Variants in GABRG3 observed in about 807,000 individuals in gnomAD.
GABRG3 encodes gamma-aminobutyric acid type A receptor subunit gamma3.
A neutral mutation model predicts 48.8 loss-of-function variants in GABRG3; 25 were observed. That is an observed-to-expected ratio of 0.51 (90% confidence interval 0.37 to 0.72). The LOEUF (loss-of-function observed/expected upper bound fraction) is 0.72. Ranked by LOEUF, GABRG3 falls within the 30% of genes least tolerant of loss-of-function variation. The pLI is 0.00. For missense variants in GABRG3, 394 were observed against 577.9 expected (o/e 0.68, Z 3.26); for synonymous variants, 227 against 217.6 (o/e 1.04, Z -0.38).
intron 3 of GABRG3, among the ~76,000 whole-genome samples, chr15:27,251,234 G>T (rs1859911927): frequency 6.6e-6 from 1 of 152,104 alleles, no homozygotes; most frequent in African/African-American, 2.4e-5. Flanking sequence ...CTTAGTTCCT[G>T]CCTCTCTTGT....
intron 3 of GABRG3, among the ~76,000 whole-genome samples, chr15:27,151,492 C>T (rs1371293230): frequency 5.3e-5 from 8 of 151,924 alleles, no homozygotes; most frequent in Non-Finnish European, 1.0e-4. Flanking sequence ...TAAAGATGTT[C>T]ATTATCTGAT....
At chr15:27,003,811 G>A (rs1459423772) in intron 2 of GABRG3, among the ~76,000 whole-genome samples, 10 of 150,396 alleles carry the variant, frequency 6.6e-5, no homozygotes, top group African/African-American at 7.4e-5. Context: ...GGGCAGAGGC[G>A]CCCCTCACCT....
chr15:26,997,194 T>C (rs980565496), intron 2 of GABRG3, among the ~76,000 whole-genome samples: 1 of 152,200 alleles, frequency 6.6e-6, no homozygotes, highest in African/African-American at 2.4e-5. Flanking sequence ...ATCTCTTTAA[T>C]GATATTATCT....
At chr15:27,027,430 C>T (rs970990618) in intron 3 of GABRG3, among the ~76,000 whole-genome samples, 2 of 152,190 alleles carry the variant, frequency 1.3e-5, no homozygotes, top group Non-Finnish European at 2.9e-5. Context: ...TCAGGAGCTC[C>T]CCCCGCCTGC....
At chr15:27,488,459 C>A (rs1437023856) in intron 6 of GABRG3, among the ~76,000 whole-genome samples, 1 of 152,164 alleles carries the variant, frequency 6.6e-6, no homozygotes, top group Admixed American at 6.5e-5. Context: ...CATTGTCTTA[C>A]TTCTGAGACA....
intron 3 of GABRG3, among the ~76,000 whole-genome samples, chr15:27,107,587 T>A (rs1897473512): frequency 6.6e-6 from 1 of 152,070 alleles, no homozygotes; most frequent in African/African-American, 2.4e-5. Context: ...CTAATTCAAT[T>A]TTCTGCAACA....
Position 27,198,331 on chromosome 15 carries a change from C to T in GABRG3, c.271-128478C>T, listed in dbSNP as rs146293573. On this transcript the variant is annotated intron_variant, in intron 3 of 9. Coordinates refer to ENST00000615808, the MANE Select transcript of GABRG3 (RefSeq NM_033223.5). ...AAAAACAACCCCATCAAAAAGTGGG[C>T]GAAGGATATGAACAGACATCTTTCA... is the stretch of plus-strand genomic sequence containing the variant. Among the ~76,000 whole-genome samples the T allele has an allele frequency of 6.1e-4, 93 of 152,148 alleles. No homozygotes were observed. In the East Asian group the frequency reaches 0.016, roughly 27 times the overall value.
At chr15:27,129,357 A>G (rs989971353) in intron 3 of GABRG3, among the ~76,000 whole-genome samples, 16 of 152,196 alleles carry the variant, frequency 1.1e-4, no homozygotes, top group African/African-American at 3.9e-4. Context: ...AATGTCTTCA[A>G]GGTTCATTCA....
In GABRG3 at chr15:27,534,671, T is replaced by C. The variant is rs566401777; in HGVS notation, c.*1790T>C. ...ATAGAAAAGTATCAATTTCACACAA[T>C]GTCCTGGATGTATACCAGACACAGA... On this transcript the variant is annotated 3_prime_UTR_variant, in exon 10 of 10. Coordinates refer to ENST00000615808, the MANE Select transcript of GABRG3 (RefSeq NM_033223.5). 1.3e-5 allele frequency: 2 copies of C among 152,228 alleles called. No homozygotes were observed. Among genetic ancestry groups the C allele is most frequent in the Admixed American group, 1.3e-4 (2 of 15,284 alleles). The allele number at this position is 152,228 out of a possible 1,614,324, so 9.4% of individuals were successfully genotyped here. A position where few individuals can be genotyped will look rare whatever the true frequency, so the allele number is the denominator to read the frequency against.
intron 3 of GABRG3, among the ~76,000 whole-genome samples, chr15:27,079,073 G>C (rs1486263551): frequency 1.3e-5 from 2 of 152,174 alleles, no homozygotes; most frequent in Non-Finnish European, 2.9e-5. Context: ...ACCAGAAGCT[G>C]ACAGAAGGCA....
At position 27,424,698 on chromosome 15, in the gene GABRG3, C is replaced by T. The variant is rs112379781; in HGVS notation, c.575-55952C>T. ...CCTCCCGAGTAGTTGAGACTACAGA[C>T]GCCTGCCACCACACCTGGCTAATTT... On this transcript the variant is annotated intron_variant, in intron 5 of 9. Coordinates refer to ENST00000615808, the MANE Select transcript of GABRG3 (RefSeq NM_033223.5). Among the ~76,000 whole-genome samples, 1,409 of 151,994 alleles carry T rather than the reference C, an allele frequency of 9.3e-3. 24 individuals carry two copies. The highest frequency in any genetic ancestry group is 0.032 in the African/African-American group (1,331 of 41,458).
At chr15:27,398,614 G>A (rs1887386759) in intron 5 of GABRG3, among the ~76,000 whole-genome samples, 1 of 151,974 alleles carries the variant, frequency 6.6e-6, no homozygotes, top group Non-Finnish European at 1.5e-5. Flanking sequence ...TAAGGCTCCT[G>A]AGTTCAAAGA....
intron 3 of GABRG3, among the ~76,000 whole-genome samples, chr15:27,230,322 T>A (rs963799771): frequency 6.6e-6 from 1 of 152,180 alleles, no homozygotes; most frequent in African/African-American, 2.4e-5. Flanking sequence ...ACCTGGTTTT[T>A]AAAAAAATAG....
At chr15:27,002,809 G>A (rs890653489) in intron 2 of GABRG3, among the ~76,000 whole-genome samples, 1 of 149,894 alleles carries the variant, frequency 6.7e-6, no homozygotes, top group Non-Finnish European at 1.5e-5. Context: ...AAGAGAGAAA[G>A]AGAGAAATAG....
chr15:27,144,921 A>G (rs962571902), intron 3 of GABRG3, among the ~76,000 whole-genome samples: 13 of 152,234 alleles, frequency 8.5e-5, no homozygotes, highest in South Asian at 6.2e-4. Flanking sequence ...TAAGATGTCA[A>G]TAGCCACAGA....
chr15:27,436,351 A>C (rs147802181), intron 5 of GABRG3, among the ~76,000 whole-genome samples: 1 of 152,324 alleles, frequency 6.6e-6, no homozygotes, highest in East Asian at 1.9e-4. Flanking sequence ...AACACCTCCA[A>C]ATACCACTGG....
intron 3 of GABRG3, among the ~76,000 whole-genome samples, chr15:27,309,316 GTGTT>G (rs1487198227): frequency 6.6e-6 from 1 of 151,318 alleles, no homozygotes; most frequent in Non-Finnish European, 1.5e-5. Context: ...GTGTGTGTGT[GTGTT>G]TGTATATATA....
chr15:27,211,351 A>AAGAC (rs1292616651), intron 3 of GABRG3, among the ~76,000 whole-genome samples: 2 of 152,212 alleles, frequency 1.3e-5, no homozygotes, highest in Admixed American at 1.3e-4. Flanking sequence ...ACAAGACAAC[A>AAGAC]AGACGTTTGA....
intron 3 of GABRG3, among the ~76,000 whole-genome samples, chr15:27,124,923 C>G (rs1057445509): frequency 2.0e-5 from 3 of 152,194 alleles, no homozygotes; most frequent in African/African-American, 7.2e-5. Context: ...ATTACATTCA[C>G]TCTAATTATG....
Sources: gnomAD v4.1 joint callset for allele counts (sites outside exome capture counted in the v4.1 genomes callset) on GRCh38, gnomAD v4.1.1 for gene constraint, MANE v1.5 for transcripts, NCBI Gene and HGNC (gene_info 2026-07-23, HGNC 2026-07-21) for gene names.